NECTIN3: variants seen among roughly 807,000 people sequenced by gnomAD.
NECTIN3 encodes the protein nectin cell adhesion molecule 3, also known as nectin-3.
Under a neutral mutation model 49.4 loss-of-function variants are expected in NECTIN3, and 8 were observed. That is an observed-to-expected ratio of 0.16 (90% CI 0.10 to 0.29). The LOEUF is 0.29. Ranked by LOEUF, NECTIN3 falls within the 10% of genes least tolerant of loss-of-function variation. The pLI, the probability that NECTIN3 is intolerant of heterozygous loss-of-function variation, is 1.00. For missense variants in NECTIN3, 581 were observed against 654.6 expected (o/e 0.89, Z 1.23); for synonymous variants, 277 against 241.1 (o/e 1.15, Z -1.38).
chr3:111,111,683 T>A (rs2033466548), intron 1 of NECTIN3, among the ~76,000 whole-genome samples: 1 of 152,200 alleles, frequency 6.6e-6, no homozygotes, highest in Non-Finnish European at 1.5e-5. Flanking sequence ...TGGGAACTCA[T>A]GTGAAGGCTT....
intron 7 of NECTIN3, among the ~76,000 whole-genome samples, chr3:111,182,838 A>G (rs1165096671): frequency 6.6e-6 from 1 of 151,884 alleles, no homozygotes; most frequent in East Asian, 1.9e-4. Context: ...CTTTTACTTA[A>G]CTTATTTATT....
At chr3:111,193,567 C>T (rs561748471) in intron 1 of NECTIN3, 6 of 628,130 alleles carry the variant, frequency 9.6e-6, no homozygotes, top group African/African-American at 5.5e-5. Flanking sequence ...TTCTTAACCA[C>T]CAGCTGTGTT....
At chr3:111,158,983 T>C (rs923912825) in intron 7 of NECTIN3, among the ~76,000 whole-genome samples, 3 of 152,272 alleles carry the variant, frequency 2.0e-5, no homozygotes, top group African/African-American at 7.2e-5. Flanking sequence ...GAAAAGATAC[T>C]CAACATTACT....
intron 7 of NECTIN3, among the ~76,000 whole-genome samples, chr3:111,150,285 G>A (rs1338846866): frequency 4.0e-5 from 6 of 151,372 alleles, no homozygotes; most frequent in South Asian, 2.1e-4. Context: ...CTTTTCAATC[G>A]CTTGAACTAT....
intron 7 of NECTIN3, among the ~76,000 whole-genome samples, chr3:111,179,711 G>A (rs1275548650): frequency 1.3e-5 from 2 of 151,984 alleles, no homozygotes; most frequent in Admixed American, 6.6e-5. Context: ...TGGCTAACAC[G>A]GTGAAACCCC....
chr3:111,142,736 A>G (rs553797931), intron 5 of NECTIN3, among the ~76,000 whole-genome samples: 1 of 150,426 alleles, frequency 6.6e-6, no homozygotes, highest in Non-Finnish European at 1.5e-5. Context: ...AATGATCTCT[A>G]GATTGAGAAT....
intron 1 of NECTIN3, among the ~76,000 whole-genome samples, chr3:111,093,429 T>TG (rs1433091534): frequency 6.6e-6 from 1 of 150,386 alleles, no homozygotes; most frequent in Admixed American, 6.6e-5. Context: ...TTGTTGGGTT[T>TG]TTTTTTTTTT....
chr3:111,103,996 G>A (rs1304791845), intron 1 of NECTIN3, among the ~76,000 whole-genome samples: 1 of 152,148 alleles, frequency 6.6e-6, no homozygotes, highest in African/African-American at 2.4e-5. Context: ...ACAAGTCTTT[G>A]TGTGGACACA....
chr3:111,126,142 T>C (rs898344237), intron 4 of NECTIN3, 42 bp from the exon 5 acceptor site: 2 of 1,411,362 alleles, frequency 1.4e-6, no homozygotes, highest in Middle Eastern at 2.5e-4. Context: ...ATAAATATAG[T>C]CTGAAGATAT....
intron 1 of NECTIN3, among the ~76,000 whole-genome samples, chr3:111,088,934 A>G (rs1216256972): frequency 3.3e-5 from 5 of 152,074 alleles, no homozygotes; most frequent in Non-Finnish European, 5.9e-5. Context: ...TCATCTGGGC[A>G]TGTAGTTTTC....
Position 111,125,397 on chromosome 3 carries a change from G to GT in NECTIN3, c.918-779dup, listed in dbSNP as rs991615463. 1.6e-3 allele frequency among the ~76,000 whole-genome samples: 246 copies of GT among 151,854 alleles called. 1 individual carries two copies. The highest frequency in any genetic ancestry group is 2.5e-4 in the Non-Finnish European group (17 of 67,898). ...TAAGCTTTAAAAACACTTATTTGTT[G>GT]TTTTTTTTGTTACCCTCAGGTTAGA... On this transcript the variant is annotated intron_variant, in intron 4 of 5. Coordinates refer to ENST00000485303, the MANE Select transcript of NECTIN3 (RefSeq NM_015480.3).
At chr3:111,165,262 C>T (rs927291587) in intron 7 of NECTIN3, among the ~76,000 whole-genome samples, 1 of 152,084 alleles carries the variant, frequency 6.6e-6, no homozygotes. Flanking sequence ...CCAGGATGGT[C>T]TCGATCTCCT....
At chr3:111,124,337 T>C (rs535668534) in intron 4 of NECTIN3, among the ~76,000 whole-genome samples, 28 of 152,276 alleles carry the variant, frequency 1.8e-4, no homozygotes, top group Admixed American at 4.6e-4. Flanking sequence ...ACAATGAATA[T>C]AAGTCATGTA....
chr3:111,132,957 CTTT>C (rs1190205583), intron 5 of NECTIN3, among the ~76,000 whole-genome samples: 1 of 151,650 alleles, frequency 6.6e-6, no homozygotes, highest in Non-Finnish European at 1.5e-5. Context: ...TAAACATATG[CTTT>C]TTTATTTTTT....
intron 1 of NECTIN3, among the ~76,000 whole-genome samples, chr3:111,100,062 C>T (rs2032814038): frequency 6.6e-6 from 1 of 152,020 alleles, no homozygotes; most frequent in Admixed American, 6.6e-5. Flanking sequence ...TTTTGTTACT[C>T]GTCTACAGTT....
At chr3:111,082,956 G>A (rs2031713534) in intron 1 of NECTIN3, among the ~76,000 whole-genome samples, 2 of 152,064 alleles carry the variant, frequency 1.3e-5, no homozygotes, top group Non-Finnish European at 2.9e-5. Context: ...AGTAGGGTTC[G>A]TGCTCCTGTG....
upstream of NECTIN3, chr3:111,192,241 G>T: frequency 2.0e-6 from 2 of 982,698 alleles, no homozygotes; most frequent in South Asian, 1.6e-5. Context: ...TGCTTAGTTG[G>T]TAGACATTTA....
At chr3:111,128,495 G>A (rs982328438) in intron 5 of NECTIN3, among the ~76,000 whole-genome samples, 1 of 151,974 alleles carries the variant, frequency 6.6e-6, no homozygotes, top group Non-Finnish European at 1.5e-5. Context: ...TTAACTCTAT[G>A]TAGTAGTCTA....
At chr3:111,179,595 A>G (rs1308215842) in intron 7 of NECTIN3, among the ~76,000 whole-genome samples, 1 of 152,128 alleles carries the variant, frequency 6.6e-6, no homozygotes, top group Non-Finnish European at 1.5e-5. Flanking sequence ...GTCTTGGGGA[A>G]TAAGATCTAG....
Sources: gnomAD v4.1 joint callset for allele counts (sites outside exome capture counted in the v4.1 genomes callset) on GRCh38, gnomAD v4.1.1 for gene constraint, MANE v1.5 for transcripts, NCBI Gene and HGNC (gene_info 2026-07-23, HGNC 2026-07-21) for gene names.